Variants in CDKAL1 observed in about 807,000 individuals in gnomAD.
The protein encoded by CDKAL1 is CDKAL1 threonylcarbamoyladenosine tRNA methylthiotransferase.
Under a neutral mutation model 68.2 loss-of-function variants are expected in CDKAL1, and 32 were observed. The observed-to-expected ratio is 0.47, with a 90% CI of 0.35 to 0.63. The LOEUF is 0.63. CDKAL1 is among the 30% of genes least tolerant of loss of function. CDKAL1 has a pLI of 0.00. For missense variants in CDKAL1, 606 were observed against 696.7 expected, an observed-to-expected ratio of 0.87 and a Z score of 1.47; for synonymous variants, 234 against 244.3, an observed-to-expected ratio of 0.96 and a Z score of 0.39.
At chr6:20,558,720 G>A (rs1764155815) in intron 4 of CDKAL1, 2 of 387,460 alleles carry the variant, frequency 5.2e-6, no homozygotes, top group Admixed American at 3.0e-5. Flanking sequence ...TGTGTTGTTC[G>A]AAGTTGTAGA....
intron 5 of CDKAL1, among the ~76,000 whole-genome samples, chr6:20,728,023 A>G (rs1772732430): frequency 1.3e-5 from 2 of 152,218 alleles, no homozygotes; most frequent in Non-Finnish European, 1.5e-5. Context: ...TATTTGGGGT[A>G]CATGAGAGCT....
intron 9 of CDKAL1, among the ~76,000 whole-genome samples, chr6:20,871,566 AAAC>A (rs1351833561): frequency 9.2e-5 from 14 of 151,960 alleles, no homozygotes; most frequent in Admixed American, 3.9e-4. Flanking sequence ...ATGAAGATAT[AAAC>A]AACAACAACG....
In CDKAL1 at chr6:20,854,255, G is replaced by A. The variant is rs1437828251; in HGVS notation, c.742+8077G>A. 3.3e-5 allele frequency among the ~76,000 whole-genome samples: 5 copies of A among 152,258 alleles called. No homozygotes were observed. The East Asian group carries it at 9.7e-4, about 29-fold the overall frequency. On this transcript the variant is annotated intron_variant, in intron 9 of 15. Coordinates refer to ENST00000274695, the MANE Select transcript of CDKAL1 (RefSeq NM_017774.3). ...TCAGAATCCCTCTCACTAAGTTTTT[G>A]TTAGCCACTGCCATTGATTATGCTG...
intron 5 of CDKAL1, among the ~76,000 whole-genome samples, chr6:20,722,914 C>T (rs997983441): frequency 2.6e-5 from 4 of 152,050 alleles, no homozygotes; most frequent in Non-Finnish European, 4.4e-5. Context: ...AGATGACCTG[C>T]GCTTCCCATC....
At chr6:20,787,180 A>G (rs2150384868) in intron 8 of CDKAL1, among the ~76,000 whole-genome samples, 1 of 152,274 alleles carries the variant, frequency 6.6e-6, no homozygotes, top group Non-Finnish European at 1.5e-5. Context: ...TTGCCATCAG[A>G]CAGACATATG....
chr6:21,051,220 G>C (rs944334871), intron 11 of CDKAL1, among the ~76,000 whole-genome samples: 1 of 151,734 alleles, frequency 6.6e-6, no homozygotes, highest in African/African-American at 2.4e-5. Flanking sequence ...AGCCAGATGT[G>C]GTGGTGCACA....
chr6:20,734,523 AACAAAGCTAAC>A (rs1231703780), intron 5 of CDKAL1, among the ~76,000 whole-genome samples: 5 of 152,158 alleles, frequency 3.3e-5, no homozygotes, highest in African/African-American at 1.2e-4. Flanking sequence ...TATTAACCTG[AACAAAGCTAAC>A]CAGACAAAAA....
chr6:20,638,617 T>C (rs1768014246), intron 4 of CDKAL1, among the ~76,000 whole-genome samples: 1 of 2,116 alleles, frequency 4.7e-4, no homozygotes, highest in African/African-American at 0.013. Flanking sequence ...TAGAGATTCT[T>C]TTTTTTTTTT....
chr6:21,196,248 T>C (rs920820928), intron 13 of CDKAL1, among the ~76,000 whole-genome samples: 2 of 152,230 alleles, frequency 1.3e-5, no homozygotes, highest in African/African-American at 2.4e-5. Flanking sequence ...TTAAGAACCA[T>C]TGACAGATAC....
At chr6:20,900,472 C>A (rs918160975) in intron 9 of CDKAL1, among the ~76,000 whole-genome samples, 1 of 152,220 alleles carries the variant, frequency 6.6e-6, no homozygotes, top group African/African-American at 2.4e-5. Context: ...ATGCAGTATG[C>A]AAATAACAGC....
At chr6:20,546,657 T>G (rs9465800) in intron 3 of CDKAL1, 134 bp downstream of exon 3, 482,280 of 613,422 alleles carry the variant, frequency 0.79, 191,191 homozygotes, top group African/African-American at 0.95. Flanking sequence ...GGATTCAAGC[T>G]ATTCTCCTGC....
chr6:21,231,065 A>C lies in CDKAL1; in HGVS notation c.*26A>C, dbSNP rs966968161. The C allele has an allele frequency of 4.6e-6, 7 of 1,511,062 alleles. No individual in the cohort carries two copies. In the African/African-American group the frequency reaches 8.3e-5, roughly 18 times the overall value. The allele number at this position is 1,511,062 out of a possible 1,614,324, so 93.6% of individuals were successfully genotyped here. On this transcript the variant is annotated 3_prime_UTR_variant, in exon 16 of 16. Transcript: ENST00000274695. ...AATACAACTAATGGAAACATCTATA[A>C]AGAAGAATACATTTCTAATTAAAAT...
intron 13 of CDKAL1, among the ~76,000 whole-genome samples, chr6:21,118,775 T>C (rs1252802242): frequency 1.3e-5 from 2 of 152,234 alleles, no homozygotes; most frequent in African/African-American, 4.8e-5. Context: ...TAAATGCACA[T>C]GTCTCAAATA....
At chr6:21,093,745 CCT>C (rs1773176689) in intron 12 of CDKAL1, among the ~76,000 whole-genome samples, 1 of 118,730 alleles carries the variant, frequency 8.4e-6, no homozygotes, top group African/African-American at 3.4e-5. Flanking sequence ...GGAGACAGGG[CCT>C]CTCTGTCTTC....
chr6:20,609,754 G>A (rs957668393), intron 4 of CDKAL1, among the ~76,000 whole-genome samples: 7 of 151,684 alleles, frequency 4.6e-5, no homozygotes, highest in Non-Finnish European at 1.5e-5. Context: ...TTTTTCTAGA[G>A]GTTTATCTTT....
Position 20,675,481 on chromosome 6 carries a change from G to A in CDKAL1, c.371+26104G>A, listed in dbSNP as rs570508132. Among the ~76,000 whole-genome samples, 115 of 152,214 alleles carry A rather than the reference G, an allele frequency of 7.6e-4. 1 individual carries two copies. The highest frequency in any genetic ancestry group is 2.7e-3 in the African/African-American group (111 of 41,546). ...CTTGGTTTTAAATATACAGTCATGC[G>A]TTGCATTTTCAGTCAGTGATGGACT... is the stretch of plus-strand genomic sequence containing the variant. On this transcript the variant is annotated intron_variant, in intron 5 of 15. Coordinates refer to ENST00000274695, the MANE Select transcript of CDKAL1 (RefSeq NM_017774.3).
intron 8 of CDKAL1, among the ~76,000 whole-genome samples, chr6:20,821,716 G>A (rs1225294603): frequency 6.6e-6 from 1 of 152,100 alleles, no homozygotes; most frequent in African/African-American, 2.4e-5. Context: ...GGAGGTGAGA[G>A]GAGATGTAAT....
intron 13 of CDKAL1, among the ~76,000 whole-genome samples, chr6:21,112,849 T>C (rs1461515117): frequency 1.3e-5 from 2 of 152,168 alleles, no homozygotes; most frequent in East Asian, 3.9e-4. Context: ...GCCCAGATTG[T>C]TAAAATTATT....
At chr6:20,979,704 T>TTGTTTGC (rs1469599474) in intron 10 of CDKAL1, among the ~76,000 whole-genome samples, 1 of 152,066 alleles carries the variant, frequency 6.6e-6, no homozygotes, top group Non-Finnish European at 1.5e-5. Flanking sequence ...ATTGACACTT[T>TTGTTTGC]TGTTTGCTGT....
Sources: allele counts gnomAD v4.1 joint callset (sites outside exome capture counted in the v4.1 genomes callset), GRCh38; gene constraint gnomAD v4.1.1; transcripts MANE v1.5; gene names NCBI Gene and HGNC (gene_info 2026-07-23, HGNC 2026-07-21).